Variants in GNPDA2 observed in about 807,000 individuals in gnomAD.
GNPDA2 encodes the protein glucosamine-6-phosphate deaminase 2.
A neutral mutation model predicts 27.0 loss-of-function variants in GNPDA2; 24 were observed. The ratio of observed to expected loss-of-function variants is 0.89; its 90% confidence interval spans 0.64 to 1.25. The LOEUF is 1.25. Among genes scored for constraint, GNPDA2 ranks in the 50% most tolerant of loss-of-function variants. The pLI is 0.00. For missense variants in GNPDA2, 286 were observed against 335.1 expected, an observed-to-expected ratio of 0.85 and a Z score of 1.14; for synonymous variants, 94 against 108.4, an observed-to-expected ratio of 0.87 and a Z score of 0.83.
At chr4:44,725,507 G>A (rs1717954167) in intron 1 of GNPDA2, among the ~76,000 whole-genome samples, 1 of 152,154 alleles carries the variant, frequency 6.6e-6, no homozygotes, top group Non-Finnish European at 1.5e-5. Flanking sequence ...TCATAATCAG[G>A]TGAAATTTGT....
rs772091210 is a variant in GNPDA2 at position 44,717,110 on chromosome 4, T to A, written c.409+3A>T. 6.3e-7 allele frequency: 1 copy of A among 1,593,286 alleles called. No homozygotes were observed. The highest frequency in any genetic ancestry group is 1.1e-5 in the South Asian group (1 of 87,132). ...CAGTTAATGACAAAAGGTTTTTACATACCTCCAACAAAAAGATCTATTCCT... is the reference window on the plus strand; with the variant it reads ...CAGTTAATGACAAAAGGTTTTTACAAACCTCCAACAAAAAGATCTATTCCT... On this transcript the variant is annotated splice_donor_region_variant and intron_variant, in intron 4 of 6. Coordinates refer to ENST00000295448, the MANE Select transcript of GNPDA2 (RefSeq NM_138335.3).
At chr4:44,722,793 T>A (rs1224961505) in intron 1 of GNPDA2, among the ~76,000 whole-genome samples, 2 of 152,170 alleles carry the variant, frequency 1.3e-5, no homozygotes, top group Non-Finnish European at 2.9e-5. Context: ...CCCCAACAGA[T>A]ACTAGGGACA....
rs1393389710 is a variant in GNPDA2, at chr4:44,701,932, CA to C, written c.*1148del. On this transcript the variant is annotated 3_prime_UTR_variant, in exon 7 of 7. Coordinates refer to ENST00000295448, the MANE Select transcript of GNPDA2 (RefSeq NM_138335.3). ...AGAAACTACATTTTAATCACATAGA[CA>C]AGCAGATAAGTAAGGCTTCTTCTAC... 2.0e-6 allele frequency: 2 copies of C among 984,330 alleles called. No individual in the cohort carries two copies. Among genetic ancestry groups the C allele is most frequent in the Non-Finnish European group, 2.4e-6 (2 of 829,178 alleles). The allele number at this position is 984,330 out of a possible 1,614,324, so 61.0% of individuals were successfully genotyped here.
At chr4:44,705,614 G>T in intron 6 of GNPDA2, 1 of 283,958 alleles carries the variant, frequency 3.5e-6, no homozygotes, top group Non-Finnish European at 5.3e-6. Context: ...TTTTTTGGAA[G>T]CAGTGATTAT....
At chr4:44,715,497 C>A (rs978653539) in intron 4 of GNPDA2, among the ~76,000 whole-genome samples, 1 of 151,988 alleles carries the variant, frequency 6.6e-6, no homozygotes, top group African/African-American at 2.4e-5. Flanking sequence ...TTGATATAAG[C>A]AGTTGAAGTA....
At chr4:44,708,516 GTCTTATAATCAC>G (rs1716756801) in intron 5 of GNPDA2, among the ~76,000 whole-genome samples, 1 of 37,124 alleles carries the variant, frequency 2.7e-5, no homozygotes, top group East Asian at 5.5e-4. Context: ...CATAGGAACT[GTCTTATAATCAC>G]ATATGACTGA....
intron 1 of GNPDA2, among the ~76,000 whole-genome samples, chr4:44,724,021 G>A (rs1390128140): frequency 6.6e-6 from 1 of 152,172 alleles, no homozygotes; most frequent in Admixed American, 6.5e-5. Context: ...CCTTCCATCT[G>A]AGAGGTGGTG....
intron 4 of GNPDA2, among the ~76,000 whole-genome samples, chr4:44,715,145 C>T (rs188850494): frequency 9.9e-5 from 15 of 152,014 alleles, no homozygotes; most frequent in South Asian, 2.1e-4. Context: ...AAAAGAAGTA[C>T]GAAATGATTT....
intron 4 of GNPDA2, among the ~76,000 whole-genome samples, chr4:44,712,364 C>CA (rs1162497565): frequency 6.6e-6 from 1 of 152,012 alleles, no homozygotes; most frequent in African/African-American, 2.4e-5. Flanking sequence ...TAAAATATGA[C>CA]AAAGAGTAAC....
chr4:44,709,667 A>C (rs1169143745), intron 5 of GNPDA2, among the ~76,000 whole-genome samples: 1 of 152,184 alleles, frequency 6.6e-6, no homozygotes, highest in Non-Finnish European at 1.5e-5. Flanking sequence ...AACTGATATA[A>C]GTGATTTACA....
rs11345999 is a variant in GNPDA2 at position 44,721,056 on chromosome 4, G to GA, written c.124+1027dup. 2.5e-3 allele frequency among the ~76,000 whole-genome samples: 368 copies of GA among 144,686 alleles called. 2 individuals are homozygous for GA. Among genetic ancestry groups the GA allele is most frequent in the African/African-American group, 7.2e-3 (279 of 38,962 alleles). 94.9% of individuals were successfully genotyped at this position (144,686 alleles called of 152,430 possible). A position where few individuals can be genotyped will look rare whatever the true frequency, so the allele number is the denominator to read the frequency against. On this transcript the variant is annotated intron_variant, in intron 2 of 6. Transcript: ENST00000295448. Reference sequence around the variant, plus strand: ...GGGGTGTAGTACTGGTGTGTCCAGTGAAAAAAAAAAAACCCTTTTGCCATT... The same window carrying GA: ...GGGGTGTAGTACTGGTGTGTCCAGTGAAAAAAAAAAAAACCCTTTTGCCATT...
At chr4:44,723,580 G>A (rs947048233) in intron 1 of GNPDA2, among the ~76,000 whole-genome samples, 2 of 152,096 alleles carry the variant, frequency 1.3e-5, no homozygotes, top group African/African-American at 4.8e-5. Context: ...TTCAATGGCT[G>A]AATTTCGCGG....
chr4:44,711,280 T>C, intron 4 of GNPDA2, 143 bp from the exon 5 acceptor site: 1 of 496,640 alleles, frequency 2.0e-6, no homozygotes, highest in South Asian at 5.5e-5. Context: ...TTTGTTTCTG[T>C]ATTGATTCAA....
chr4:44,724,789 A>T (rs1281982345), intron 1 of GNPDA2, among the ~76,000 whole-genome samples: 1 of 152,224 alleles, frequency 6.6e-6, no homozygotes, highest in Non-Finnish European at 1.5e-5. Context: ...AATCATGGTC[A>T]CCATGATCTA....
intron 5 of GNPDA2, 72 bp from the exon 6 acceptor site, chr4:44,707,998 G>A (rs1716719519): frequency 1.9e-6 from 2 of 1,027,496 alleles, no homozygotes; most frequent in Non-Finnish European, 2.8e-6. Context: ...TTTTAAACGA[G>A]AACTTAAGCA....
At chr4:44,715,538 G>C (rs1717231892) in intron 4 of GNPDA2, among the ~76,000 whole-genome samples, 1 of 151,942 alleles carries the variant, frequency 6.6e-6, no homozygotes, top group Non-Finnish European at 1.5e-5. Context: ...ACCAGATTTT[G>C]GTGTGGAGCT....
chr4:44,711,557 C>CA (rs1367169597), intron 4 of GNPDA2, among the ~76,000 whole-genome samples: 5 of 152,188 alleles, frequency 3.3e-5, no homozygotes, highest in African/African-American at 1.2e-4. Flanking sequence ...TTCAATGTCA[C>CA]AACTGGGTAA....
chr4:44,703,676 A>G (rs1415796233), intron 6 of GNPDA2: 1 of 984,012 alleles, frequency 1.0e-6, no homozygotes, highest in African/African-American at 1.7e-5. Flanking sequence ...CAAGACAGAA[A>G]ACAACCTGTA....
At chr4:44,722,958 A>G (rs930905848) in intron 1 of GNPDA2, among the ~76,000 whole-genome samples, 1 of 152,224 alleles carries the variant, frequency 6.6e-6, no homozygotes, top group Non-Finnish European at 1.5e-5. Context: ...CACACTAGAC[A>G]TGTTATTTTT....
Sources: allele counts gnomAD v4.1 joint callset (sites outside exome capture counted in the v4.1 genomes callset), GRCh38; gene constraint gnomAD v4.1.1; transcripts MANE v1.5; gene names NCBI Gene and HGNC (gene_info 2026-07-23, HGNC 2026-07-21).